Variants in AGMO observed in about 807,000 individuals in gnomAD.
AGMO encodes the protein alkylglycerol monooxygenase.
AGMO carries 75 observed loss-of-function variants against 60.2 expected under a neutral mutation model. The observed-to-expected ratio is 1.25, with a 90% CI of 1.03 to 1.51. The LOEUF is 1.51. AGMO is among the 40% of genes most tolerant of loss of function. AGMO has a pLI of 0.00. For synonymous variants in AGMO, 261 were observed against 177.1 expected, an observed-to-expected ratio of 1.47 and a Z score of -3.76; for missense variants, 763 against 525.5, an observed-to-expected ratio of 1.45 and a Z score of -4.42.
chr7:15,379,401 A>G (rs559311728), intron 10 of AGMO, among the ~76,000 whole-genome samples: 1 of 152,224 alleles, frequency 6.6e-6, no homozygotes, highest in South Asian at 2.1e-4. Context: ...AGAAGATTCA[A>G]ATAAACAGTA....
intron 12 of AGMO, among the ~76,000 whole-genome samples, chr7:15,354,327 T>TGTATACACAC (rs1491261219): frequency 6.2e-5 from 2 of 32,222 alleles, no homozygotes; most frequent in African/African-American, 2.2e-4. Context: ...TGTATATACG[T>TGTATACACAC]ACGCGTGTAT....
At position 15,483,676 on chromosome 7, in the gene AGMO, T is replaced by G. The variant is rs1782831899; in HGVS notation, c.410-52568A>C. On this transcript the variant is annotated intron_variant, in intron 3 of 12. Coordinates refer to ENST00000342526, the MANE Select transcript of AGMO (RefSeq NM_001004320.2). ...TATACAAACAATTAGAAGGAATTAT[T>G]GAAAAAATATTAACTAGATGGAGGT... is the stretch of plus-strand genomic sequence containing the variant. Among the ~76,000 whole-genome samples the G allele has an allele frequency of 2.0e-5, 3 of 152,164 alleles. No homozygotes were observed. The South Asian group carries it at 6.2e-4, about 32-fold the overall frequency.
chr7:15,223,905 G>A (rs1781996648), intron 12 of AGMO, among the ~76,000 whole-genome samples: 1 of 151,998 alleles, frequency 6.6e-6, no homozygotes, highest in African/African-American at 2.4e-5. Context: ...TTCATCAACA[G>A]CTTCATTGGG....
chr7:15,158,937 G>T, the AGMO span, among the ~76,000 whole-genome samples: 7 of 152,234 alleles, frequency 4.6e-5, no homozygotes, highest in East Asian at 1.2e-3. Context: ...CAAGTATCCA[G>T]AATTGGATTC....
chr7:15,438,096 G>A (rs537400020), intron 3 of AGMO, among the ~76,000 whole-genome samples: 219 of 152,138 alleles, frequency 1.4e-3, no homozygotes, highest in African/African-American at 5.0e-3. Context: ...AAAATAAAAC[G>A]ATAGATTTTT....
intron 12 of AGMO, among the ~76,000 whole-genome samples, chr7:15,311,833 T>G (rs1308054127): frequency 1.3e-5 from 2 of 152,062 alleles, no homozygotes; most frequent in African/African-American, 4.8e-5. Flanking sequence ...TATATGTAAA[T>G]AAAAGATACA....
intron 3 of AGMO, among the ~76,000 whole-genome samples, chr7:15,542,807 A>C (rs561188513): frequency 1.6e-4 from 24 of 152,302 alleles, no homozygotes; most frequent in African/African-American, 5.8e-4. Context: ...TCAGGAACTG[A>C]CCTATTATGT....
chr7:15,488,615 A>T (rs986983636), intron 3 of AGMO, among the ~76,000 whole-genome samples: 1 of 152,160 alleles, frequency 6.6e-6, no homozygotes, highest in African/African-American at 2.4e-5. Flanking sequence ...GTTGAGAATC[A>T]CAGCAAATAT....
chr7:15,223,361 T>C (rs1418199573), intron 12 of AGMO, among the ~76,000 whole-genome samples: 2 of 151,938 alleles, frequency 1.3e-5, no homozygotes, highest in South Asian at 2.1e-4. Flanking sequence ...TTCAGTGATA[T>C]CATTGCATTA....
chr7:15,253,165 T>G (rs913923545), intron 12 of AGMO, among the ~76,000 whole-genome samples: 3 of 152,058 alleles, frequency 2.0e-5, no homozygotes, highest in Non-Finnish European at 4.4e-5. Context: ...CAACATGAAA[T>G]AGAGACAAAA....
At chr7:15,355,327 G>A (rs568693127) in intron 12 of AGMO, among the ~76,000 whole-genome samples, 4 of 151,558 alleles carry the variant, frequency 2.6e-5, no homozygotes, top group Admixed American at 2.0e-4. Context: ...ACGGTGAAAC[G>A]CTGTCTCTAC....
chr7:15,513,355 G>A (rs903664592), intron 3 of AGMO, among the ~76,000 whole-genome samples: 5 of 151,930 alleles, frequency 3.3e-5, no homozygotes, highest in Non-Finnish European at 7.4e-5. Context: ...TATCTGTTCG[G>A]GCTGGTGTTT....
At chr7:15,552,513 C>T (rs1478270159) in intron 2 of AGMO, among the ~76,000 whole-genome samples, 1 of 149,640 alleles carries the variant, frequency 6.7e-6, no homozygotes, top group Non-Finnish European at 1.5e-5. Flanking sequence ...GGGTGAAGGA[C>T]ATGAACAGAC....
intron 3 of AGMO, among the ~76,000 whole-genome samples, chr7:15,480,651 A>G (rs532360381): frequency 6.6e-6 from 1 of 152,190 alleles, no homozygotes; most frequent in Non-Finnish European, 1.5e-5. Context: ...AAAGTGTTAA[A>G]CACGTTTGGA....
intron 12 of AGMO, among the ~76,000 whole-genome samples, chr7:15,298,390 T>C (rs745349218): frequency 5.9e-5 from 9 of 152,140 alleles, no homozygotes; most frequent in Non-Finnish European, 1.2e-4. Flanking sequence ...GATTTTCTTG[T>C]GTGTCTGTGT....
intron 10 of AGMO, among the ~76,000 whole-genome samples, chr7:15,382,176 T>TA (rs888141713): frequency 6.6e-6 from 1 of 152,050 alleles, no homozygotes; most frequent in African/African-American, 2.4e-5. Context: ...AATAAAAGTT[T>TA]AAAAAAATTA....
chr7:15,362,809 T>C (rs1206961429), intron 12 of AGMO, among the ~76,000 whole-genome samples: 1 of 152,252 alleles, frequency 6.6e-6, no homozygotes, highest in African/African-American at 2.4e-5. Flanking sequence ...GACATTTTAC[T>C]ATAGCTCTTT....
intron 3 of AGMO, among the ~76,000 whole-genome samples, chr7:15,461,955 C>T (rs1782154773): frequency 6.6e-6 from 1 of 151,896 alleles, no homozygotes; most frequent in Non-Finnish European, 1.5e-5. Context: ...ATTTATATAC[C>T]ACAAATGGTC....
In AGMO at chr7:15,361,546, A is replaced by AAAAAAAAAAAAAAAAAAAAAAAAAG. The variant is rs60239009; in HGVS notation, c.1263+3967_1263+3968insCTTTTTTTTTTTTTTTTTTTTTTTT. ...CAGAGCGAGACTGTGTCTCAAAAAA[A>AAAAAAAAAAAAAAAAAAAAAAAAAG]AAAAAAAAGGTTTTGAGATTTAGAT... On this transcript the variant is annotated intron_variant, in intron 12 of 12. Coordinates refer to ENST00000342526, the MANE Select transcript of AGMO (RefSeq NM_001004320.2). 5.1e-4 allele frequency among the ~76,000 whole-genome samples: 47 copies of AAAAAAAAAAAAAAAAAAAAAAAAAG among 91,372 alleles called. 3 individuals carry two copies. The highest frequency in any genetic ancestry group is 7.1e-4 in the Non-Finnish European group (33 of 46,240). 59.9% of individuals were successfully genotyped at this position (91,372 alleles called of 152,430 possible).
Sources: allele counts gnomAD v4.1 joint callset (sites outside exome capture counted in the v4.1 genomes callset), GRCh38; gene constraint gnomAD v4.1.1; transcripts MANE v1.5; gene names NCBI Gene and HGNC (gene_info 2026-07-23, HGNC 2026-07-21).